Variants in DIS3L2 observed in about 807,000 individuals in gnomAD.
DIS3L2 encodes the protein DIS3 like 3'-5' exoribonuclease 2.
DIS3L2 carries 34 observed loss-of-function variants against 97.5 expected under a neutral mutation model. The observed-to-expected ratio is 0.35, with a 90% CI of 0.27 to 0.46. The LOEUF is 0.46. Among genes scored for constraint, DIS3L2 ranks in the 20% least tolerant of loss-of-function variants. The probability of loss-of-function intolerance (pLI) is 1.00; values close to 1 mark genes in which losing one functional copy is unlikely to be tolerated. For synonymous variants in DIS3L2, 435 were observed against 445.2 expected, an observed-to-expected ratio of 0.98 and a Z score of 0.29; for missense variants, 1,038 against 1,146.0, an observed-to-expected ratio of 0.91 and a Z score of 1.36.
intron 11 of DIS3L2, among the ~76,000 whole-genome samples, chr2:232,239,020 G>A (rs1248492043): frequency 6.6e-6 from 1 of 152,150 alleles, no homozygotes; most frequent in Non-Finnish European, 1.5e-5. Flanking sequence ...ATTACTGTAA[G>A]CCCTTTAAGG....
At chr2:232,149,213 A>C (rs1271690197) in intron 8 of DIS3L2, among the ~76,000 whole-genome samples, 2 of 137,060 alleles carry the variant, frequency 1.5e-5, no homozygotes, top group African/African-American at 6.1e-5. Context: ...TTTTTTTATT[A>C]TATTCTAAGT....
intron 9 of DIS3L2, among the ~76,000 whole-genome samples, chr2:232,208,876 A>G (rs1467718483): frequency 6.6e-6 from 1 of 152,028 alleles, no homozygotes; most frequent in African/African-American, 2.4e-5. Context: ...AAAAGTTTTA[A>G]AACTACTCCA....
chr2:232,072,654 G>A (rs982896516), intron 5 of DIS3L2, among the ~76,000 whole-genome samples: 1 of 152,110 alleles, frequency 6.6e-6, no homozygotes, highest in East Asian at 1.9e-4. Flanking sequence ...CTGAAAGGAG[G>A]CAAGGGTAGA....
rs1704101356 is a variant in DIS3L2 at position 232,269,843 on chromosome 2, G to A, written c.1659+6403G>A. Among the ~76,000 whole-genome samples, 1 of 152,166 alleles carries A rather than the reference G, an allele frequency of 6.6e-6. No individual in the cohort carries two copies. Among genetic ancestry groups the A allele is most frequent in the African/African-American group, 2.4e-5 (1 of 41,440 alleles). On this transcript the variant is annotated intron_variant, in intron 13 of 20. Coordinates refer to ENST00000325385, the MANE Select transcript of DIS3L2 (RefSeq NM_152383.5). The surrounding 1 kb of genome is among the most constrained non-coding windows in gnomAD (Gnocchi z 4.5). ...GCAGCTATGGAATGATTTTAAATAT[G>A]TAAGTGACATGAGCAGAACTGGGTT...
In DIS3L2 at chr2:232,269,664, T is replaced by TA. The variant is rs1158013889; in HGVS notation, c.1659+6225dup. On this transcript the variant is annotated intron_variant, in intron 13 of 20. Transcript: ENST00000325385. The surrounding 1 kb of genome is among the most constrained non-coding windows in gnomAD (Gnocchi z 4.5). ...AGGCCTTCTAAAAGACTTGAGGGTC[T>TA]AGCCAGGCTGCAAAGGCAAGCAGAC... Among the ~76,000 whole-genome samples, 1 of 152,014 alleles carries TA rather than the reference T, an allele frequency of 6.6e-6. No homozygotes were observed. The highest frequency in any genetic ancestry group is 1.5e-5 in the Non-Finnish European group (1 of 68,006).
intron 9 of DIS3L2, among the ~76,000 whole-genome samples, chr2:232,208,970 G>C (rs4973036): frequency 0.065 from 9,878 of 151,964 alleles, 1,093 homozygotes; most frequent in East Asian, 0.5. Flanking sequence ...TGAGGCTGCA[G>C]TGAGCCATAC....
chr2:232,137,332 A>C (rs911031243), intron 8 of DIS3L2, among the ~76,000 whole-genome samples: 4 of 152,208 alleles, frequency 2.6e-5, no homozygotes, highest in Non-Finnish European at 5.9e-5. Context: ...TGCTGGACCC[A>C]GTTGTTTGAC....
intron 12 of DIS3L2, among the ~76,000 whole-genome samples, chr2:232,250,943 G>T (rs1574972370): frequency 6.6e-6 from 1 of 152,304 alleles, no homozygotes; most frequent in East Asian, 1.9e-4. Flanking sequence ...TTTCCCTACA[G>T]TAAAGCTTAC....
intron 6 of DIS3L2, among the ~76,000 whole-genome samples, chr2:232,096,148 G>A (rs1470045355): frequency 1.3e-5 from 2 of 148,976 alleles, no homozygotes; most frequent in Admixed American, 1.3e-4. Context: ...GTGCAGTGGC[G>A]TGATCTCGGC....
chr2:232,333,227 G>GCCGCCT (rs1418591802), intron 16 of DIS3L2, among the ~76,000 whole-genome samples: 4 of 24,224 alleles, frequency 1.7e-4, no homozygotes, highest in Non-Finnish European at 2.6e-4. Context: ...CTCCGCTGTC[G>GCCGCCT]CCTCCTCCTC....
chr2:232,337,448 A>C (rs1695996627), downstream of DIS3L2, among the ~76,000 whole-genome samples: 1 of 151,674 alleles, frequency 6.6e-6, no homozygotes, highest in South Asian at 2.1e-4. Context: ...GGGGGAGGGG[A>C]GGAGGGCCCT....
chr2:232,121,377 A>T (rs968860659), intron 6 of DIS3L2, among the ~76,000 whole-genome samples: 1 of 152,080 alleles, frequency 6.6e-6, no homozygotes, highest in Non-Finnish European at 1.5e-5. Context: ...GATGTTCTCC[A>T]CTATTCTGTC....
At chr2:232,300,491 C>G (rs538757891) in intron 14 of DIS3L2, among the ~76,000 whole-genome samples, 3 of 152,178 alleles carry the variant, frequency 2.0e-5, no homozygotes, top group African/African-American at 7.2e-5. Context: ...TCTGCCTATA[C>G]TTAGGTTTAT....
chr2:232,056,595 C>T (rs1160458990), intron 5 of DIS3L2, among the ~76,000 whole-genome samples: 2 of 151,918 alleles, frequency 1.3e-5, no homozygotes, highest in Non-Finnish European at 2.9e-5. Context: ...AAAAAACAGA[C>T]AACAAATAGA....
At chr2:232,234,430 A>G (rs997090451) in intron 10 of DIS3L2, among the ~76,000 whole-genome samples, 4 of 152,068 alleles carry the variant, frequency 2.6e-5, no homozygotes, top group Non-Finnish European at 4.4e-5. Flanking sequence ...GCTCACTGCA[A>G]CCTCCACCTC....
chr2:232,343,151 T>A (rs185721809), intron 13 of DIS3L2: 13 of 609,406 alleles, frequency 2.1e-5, no homozygotes, highest in Non-Finnish European at 3.8e-5. Flanking sequence ...ACCTGGCTCA[T>A]CATCAAAGCA....
chr2:232,104,584 C>T (rs1278664645), intron 6 of DIS3L2, among the ~76,000 whole-genome samples: 3 of 152,118 alleles, frequency 2.0e-5, no homozygotes, highest in African/African-American at 7.2e-5. Context: ...CCTCATTTCT[C>T]CCCCAACCCC....
chr2:232,291,495 G>T (rs1164665354), intron 13 of DIS3L2, among the ~76,000 whole-genome samples: 1 of 152,252 alleles, frequency 6.6e-6, no homozygotes, highest in African/African-American at 2.4e-5. Context: ...ACTATGAGGG[G>T]AAGAGTCAAC....
chr2:232,332,094 A>G (rs1231799707), intron 16 of DIS3L2, among the ~76,000 whole-genome samples: 6 of 151,964 alleles, frequency 3.9e-5, no homozygotes, highest in Non-Finnish European at 8.8e-5. Flanking sequence ...GGCCTGTGGG[A>G]AAGCCATGGT....
Sources: gnomAD v4.1 joint callset for allele counts (sites outside exome capture counted in the v4.1 genomes callset) on GRCh38, gnomAD v4.1.1 for gene constraint, Gnocchi (gnomAD v3.1) non-coding constraint, MANE v1.5 for transcripts, NCBI Gene and HGNC (gene_info 2026-07-23, HGNC 2026-07-21) for gene names.